The following LRMDA variants were observed in gnomAD, a reference collection of about 807,000 sequenced individuals.
The protein encoded by LRMDA is leucine rich melanocyte differentiation associated.
In LRMDA, 18 loss-of-function variants were observed where a neutral mutation model predicts 29.8. That is an observed-to-expected ratio of 0.60 (90% CI 0.42 to 0.90). The LOEUF is 0.90. Ranked by LOEUF, LRMDA falls within the 40% of genes least tolerant of loss-of-function variation. The pLI is 0.00. For synonymous variants in LRMDA, 125 were observed against 109.4 expected (o/e 1.14, Z -0.89); for missense variants, 273 against 273.9 (o/e 1.00, Z 0.02).
intron 5 of LRMDA, among the ~76,000 whole-genome samples, chr10:76,086,725 G>A (rs548905536): frequency 1.3e-5 from 2 of 152,298 alleles, no homozygotes; most frequent in Admixed American, 1.3e-4. Context: ...TGAGCTTTCA[G>A]TCCTGATAGG....
chr10:76,223,423 T>C (rs1851886226), intron 5 of LRMDA, among the ~76,000 whole-genome samples: 1 of 152,186 alleles, frequency 6.6e-6, no homozygotes, highest in African/African-American at 2.4e-5. Flanking sequence ...GCAGACTCCC[T>C]TGAGGCTCCT....
In LRMDA at chr10:75,846,177, T is replaced by TTGTGTGTGTGTGTG. The variant is rs59549881; in HGVS notation, c.132-189805_132-189792dup. ...TTTTGTTACTTATTTGTGTGTGTGTTTGTGTGTGTGTGTGTGTGTGTGTGT... is the reference window on the plus strand; with the variant it reads ...TTTTGTTACTTATTTGTGTGTGTGTTTGTGTGTGTGTGTGTGTGTGTGTGTGTGTGTGTGTGTGT... On this transcript the variant is annotated intron_variant, in intron 2 of 6. Coordinates refer to ENST00000611255, the MANE Select transcript of LRMDA (RefSeq NM_001305581.2). Among the ~76,000 whole-genome samples, 23 of 143,070 alleles carry TTGTGTGTGTGTGTG rather than the reference T, an allele frequency of 1.6e-4. 1 individual carries two copies. The highest frequency in any genetic ancestry group is 7.4e-3 in the Middle Eastern group (2 of 272). The allele number at this position is 143,070 out of a possible 152,430, so 93.9% of individuals were successfully genotyped here.
chr10:75,843,711 G>A (rs748329816), intron 2 of LRMDA, among the ~76,000 whole-genome samples: 12 of 152,336 alleles, frequency 7.9e-5, no homozygotes, highest in Non-Finnish European at 1.6e-4. Context: ...ACATGTGCTT[G>A]GCACAGTGGG....
chr10:75,487,164 C>T (rs746243094), intron 2 of LRMDA, among the ~76,000 whole-genome samples: 1 of 152,162 alleles, frequency 6.6e-6, no homozygotes, highest in Non-Finnish European at 1.5e-5. Flanking sequence ...AGTTCTTTCT[C>T]GAGCCTCTTT....
chr10:75,524,378 T>C (rs1437543841), intron 2 of LRMDA, among the ~76,000 whole-genome samples: 2 of 152,126 alleles, frequency 1.3e-5, no homozygotes, highest in Non-Finnish European at 2.9e-5. Flanking sequence ...TTAACTTCTC[T>C]GGGTCTTGGG....
chr10:76,334,884 C>T (rs1441929471), intron 6 of LRMDA, among the ~76,000 whole-genome samples: 1 of 152,132 alleles, frequency 6.6e-6, no homozygotes, highest in Admixed American at 6.5e-5. Flanking sequence ...GTGGGCTCTG[C>T]CTTCAGGAAT....
chr10:76,282,525 T>A (rs1437261408), intron 5 of LRMDA, among the ~76,000 whole-genome samples: 1 of 152,176 alleles, frequency 6.6e-6, no homozygotes, highest in East Asian at 1.9e-4. Flanking sequence ...AAAGACTTTG[T>A]GATTTATGGC....
intron 6 of LRMDA, among the ~76,000 whole-genome samples, chr10:76,529,774 C>A (rs143015188): frequency 8.1e-4 from 123 of 152,092 alleles, no homozygotes; most frequent in African/African-American, 2.7e-3. Context: ...TAGAAAATGC[C>A]CTTTTGGCAA....
intron 5 of LRMDA, among the ~76,000 whole-genome samples, chr10:76,213,403 T>C (rs1851671031): frequency 6.6e-6 from 1 of 152,242 alleles, no homozygotes; most frequent in Admixed American, 6.5e-5. Context: ...GGAAAGTAAT[T>C]ATCTCTGTTA....
intron 2 of LRMDA, among the ~76,000 whole-genome samples, chr10:75,596,217 T>G (rs1404147609): frequency 6.6e-6 from 1 of 152,212 alleles, no homozygotes; most frequent in East Asian, 1.9e-4. Context: ...GCAGAGAGTA[T>G]AAATATCACT....
intron 2 of LRMDA, among the ~76,000 whole-genome samples, chr10:75,970,936 A>C (rs926547870): frequency 3.9e-5 from 6 of 152,212 alleles, no homozygotes; most frequent in Non-Finnish European, 7.3e-5. Context: ...GGGTATTCTA[A>C]ATAACCTGAG....
chr10:75,749,112 A>G (rs1192716768), intron 2 of LRMDA, among the ~76,000 whole-genome samples: 1 of 152,194 alleles, frequency 6.6e-6, no homozygotes, highest in African/African-American at 2.4e-5. Flanking sequence ...CTCAATGTAA[A>G]GATAATGAGG....
At chr10:75,453,657 C>T (rs1844484085) in intron 2 of LRMDA, among the ~76,000 whole-genome samples, 1 of 152,132 alleles carries the variant, frequency 6.6e-6, no homozygotes, top group African/African-American at 2.4e-5. Flanking sequence ...TGTTCTGCTT[C>T]AGCTCTGTTG....
intron 6 of LRMDA, among the ~76,000 whole-genome samples, chr10:76,327,296 T>C (rs970808704): frequency 6.6e-6 from 1 of 152,124 alleles, no homozygotes; most frequent in African/African-American, 2.4e-5. Context: ...TTTCACCATG[T>C]TGACCAGGCT....
At chr10:76,010,642 C>T (rs1321543808) in intron 2 of LRMDA, among the ~76,000 whole-genome samples, 1 of 152,172 alleles carries the variant, frequency 6.6e-6, no homozygotes, top group Admixed American at 6.5e-5. Context: ...TAGGCAACAT[C>T]CATTCCAGGA....
chr10:75,923,698 C>G (rs187509552), intron 2 of LRMDA, among the ~76,000 whole-genome samples: 1 of 152,272 alleles, frequency 6.6e-6, no homozygotes, highest in Admixed American at 6.5e-5. Flanking sequence ...TCTACTTTCT[C>G]TGCTTGTTCT....
intron 2 of LRMDA, among the ~76,000 whole-genome samples, chr10:75,744,954 TGCACAG>T (rs1275368323): frequency 5.3e-5 from 8 of 152,192 alleles, no homozygotes; most frequent in Admixed American, 1.3e-4. Context: ...CCTGCTGACA[TGCACAG>T]GCACAGGCAA....
At chr10:76,177,974 C>G (rs1477530155) in intron 5 of LRMDA, among the ~76,000 whole-genome samples, 1 of 152,222 alleles carries the variant, frequency 6.6e-6, no homozygotes, top group East Asian at 1.9e-4. Context: ...TTTGCTCCCC[C>G]ATGCTGCTTA....
At chr10:76,533,572 G>T (rs750825746) in intron 6 of LRMDA, among the ~76,000 whole-genome samples, 1 of 152,140 alleles carries the variant, frequency 6.6e-6, no homozygotes, top group African/African-American at 2.4e-5. Context: ...AGGCTCTTTG[G>T]AAGTTAGGGT....
Sources: allele counts gnomAD v4.1 joint callset (sites outside exome capture counted in the v4.1 genomes callset), GRCh38; gene constraint gnomAD v4.1.1; transcripts MANE v1.5; gene names NCBI Gene and HGNC (gene_info 2026-07-23, HGNC 2026-07-21).